The following SLC9A9 variants were observed in gnomAD, a reference collection of about 807,000 sequenced individuals.
SLC9A9 encodes solute carrier family 9 member A9.
Under a neutral mutation model 77.8 loss-of-function variants are expected in SLC9A9, and 62 were observed. The observed-to-expected ratio is 0.80, with a 90% CI of 0.65 to 0.98. The LOEUF is 0.98. Among genes scored for constraint, SLC9A9 ranks in the 50% least tolerant of loss-of-function variants. The pLI is 0.00. For missense variants in SLC9A9, 775 were observed against 774.9 expected (o/e 1.00, Z 0.00); for synonymous variants, 320 against 283.5 (o/e 1.13, Z -1.29).
At chr3:143,745,367 T>G (rs1364335797) in intron 4 of SLC9A9, among the ~76,000 whole-genome samples, 1 of 152,258 alleles carries the variant, frequency 6.6e-6, no homozygotes, top group African/African-American at 2.4e-5. Context: ...TTTGAATAAC[T>G]AGTTTAAATT....
intron 12 of SLC9A9, among the ~76,000 whole-genome samples, chr3:143,382,626 A>T (rs970192807): frequency 9.2e-5 from 14 of 152,216 alleles, no homozygotes; most frequent in African/African-American, 3.4e-4. Context: ...TCTTTAAGGA[A>T]AATAATACAA....
chr3:143,792,122 G>A (rs71307954), intron 4 of SLC9A9, among the ~76,000 whole-genome samples: 32,258 of 152,048 alleles, frequency 0.21, 3,663 homozygotes, highest in Middle Eastern at 0.33. Flanking sequence ...CTACTTAATA[G>A]GATTATTTTG....
intron 12 of SLC9A9, among the ~76,000 whole-genome samples, chr3:143,418,853 G>A (rs916377072): frequency 6.6e-6 from 1 of 152,168 alleles, no homozygotes. Flanking sequence ...AAGGCATGGA[G>A]TTGCTTTCTG....
chr3:143,549,830 T>C (rs1282868524), intron 9 of SLC9A9, among the ~76,000 whole-genome samples: 1 of 139,510 alleles, frequency 7.2e-6, no homozygotes, highest in Non-Finnish European at 1.6e-5. Flanking sequence ...AATACAAATA[T>C]GCTCAGAGAA....
chr3:143,628,821 C>A (rs2038373244), intron 6 of SLC9A9, among the ~76,000 whole-genome samples: 1 of 151,966 alleles, frequency 6.6e-6, no homozygotes, highest in South Asian at 2.1e-4. Flanking sequence ...GTGAATCAGG[C>A]CCAAGGAATG....
At chr3:143,354,683 T>C (rs538728913) in intron 14 of SLC9A9, among the ~76,000 whole-genome samples, 1 of 152,358 alleles carries the variant, frequency 6.6e-6, no homozygotes, top group East Asian at 1.9e-4. Context: ...TCTTTTTTCA[T>C]GGGAAACAAA....
chr3:143,832,127 T>C lies in SLC9A9; in HGVS notation c.270A>G (p.Pro90=). 1 of 1,613,336 alleles carries C rather than the reference T, an allele frequency of 6.2e-7. No homozygotes were observed. Among genetic ancestry groups the C allele is most frequent in the Non-Finnish European group, 8.5e-7 (1 of 1,179,620 alleles). ...VYDCVKLTFS[P]STLLVNITDQ... is the part of the protein sequence containing the mutation. ...CAGTGATATTAACCAGCAGAGTTGA[T>C]GGACTGAAAGTTAGTTTTACACAGT... Residue 90 remains proline, a synonymous_variant, in exon 2 of 16, where the codon CCA becomes CCG. Transcript: ENST00000316549.
intron 6 of SLC9A9, among the ~76,000 whole-genome samples, chr3:143,642,895 C>A (rs920016997): frequency 1.3e-5 from 2 of 152,018 alleles, no homozygotes; most frequent in Non-Finnish European, 2.9e-5. Context: ...TTATACCATT[C>A]TTTTCTAATT....
chr3:143,595,898 G>T (rs2037743542), intron 6 of SLC9A9, among the ~76,000 whole-genome samples: 1 of 152,102 alleles, frequency 6.6e-6, no homozygotes, highest in Non-Finnish European at 1.5e-5. Flanking sequence ...ACTCCTTGTT[G>T]TACAATAGAT....
chr3:143,351,859 C>T (rs1179672079), intron 14 of SLC9A9, among the ~76,000 whole-genome samples: 1 of 151,928 alleles, frequency 6.6e-6, no homozygotes, highest in East Asian at 1.9e-4. Flanking sequence ...AGTGCCTGTA[C>T]AATTACCAAT....
chr3:143,315,180 A>T (rs2031163224), intron 14 of SLC9A9, among the ~76,000 whole-genome samples: 1 of 152,234 alleles, frequency 6.6e-6, no homozygotes, highest in Admixed American at 6.5e-5. Flanking sequence ...ATAAATTTAA[A>T]GTACCTCAGC....
At chr3:143,288,871 T>C (rs1938455095) in intron 14 of SLC9A9, among the ~76,000 whole-genome samples, 1 of 152,160 alleles carries the variant, frequency 6.6e-6, no homozygotes, top group African/African-American at 2.4e-5. Flanking sequence ...CCAAGGACTA[T>C]CAAAGCAAGT....
intron 1 of SLC9A9, among the ~76,000 whole-genome samples, chr3:143,841,754 C>CTTTTCTTTTTTTTTTTT (rs55981223): frequency 1.3e-5 from 2 of 149,302 alleles, no homozygotes; most frequent in Non-Finnish European, 3.0e-5. Context: ...TATAGAGGCT[C>CTTTTCTTTTTTTTTTTT]TTTTCTTTAT....
At chr3:143,491,528 CTTTAGAATA>C (rs2035745928) in intron 11 of SLC9A9, among the ~76,000 whole-genome samples, 1 of 152,080 alleles carries the variant, frequency 6.6e-6, no homozygotes. Context: ...TGACTCCTGG[CTTTAGAATA>C]TCATAGAAAT....
At position 143,391,267 on chromosome 3, in the gene SLC9A9, A is replaced by T. The variant is rs376146894; in HGVS notation, c.1470-9153T>A. On this transcript the variant is annotated intron_variant, in intron 12 of 15. Transcript: ENST00000316549. The stretch of plus-strand genomic sequence containing the variant: ...CTGAGATGAAGCTTCCAGAGGAACG[A>T]TCAGGCAGCAACATTTGCTGTTCAG... Among the ~76,000 whole-genome samples the T allele has an allele frequency of 1.1e-4, 16 of 152,332 alleles. No homozygotes were observed. In the East Asian group the frequency reaches 1.9e-3, roughly 18 times the overall value.
chr3:143,828,008 T>C lies in SLC9A9; in HGVS notation c.378+4011A>G, dbSNP rs1992865. On this transcript the variant is annotated intron_variant, in intron 2 of 15. Transcript: ENST00000316549. ...CTTAGCCCCAGGTGCCCTGCCCTTC[T>C]CTGTCCATGTGGCCTCTCAGAGAGC... 3.1e-3 allele frequency among the ~76,000 whole-genome samples: 474 copies of C among 152,274 alleles called. 4 individuals carry two copies. Among genetic ancestry groups the C allele is most frequent in the African/African-American group, 0.011 (456 of 41,550 alleles).
At chr3:143,811,427 C>G (rs2108872070) in intron 2 of SLC9A9, among the ~76,000 whole-genome samples, 1 of 152,308 alleles carries the variant, frequency 6.6e-6, no homozygotes, top group African/African-American at 2.4e-5. Flanking sequence ...CTTAACCTCT[C>G]TGAGCCTCAG....
intron 6 of SLC9A9, among the ~76,000 whole-genome samples, chr3:143,630,052 T>A (rs2038395034): frequency 6.6e-6 from 1 of 151,984 alleles, no homozygotes. Flanking sequence ...AACAAAAACA[T>A]GTATTTTTTG....
rs777287365 is a variant in SLC9A9, at chr3:143,438,071, A to G, written c.1469+28966T>C. Among the ~76,000 whole-genome samples, 100 of 152,260 alleles carry G rather than the reference A, an allele frequency of 6.6e-4. 1 individual carries two copies. The highest frequency in any genetic ancestry group is 1.5e-4 in the Non-Finnish European group (10 of 68,052). ...CAAGCATAATGCAGATGCAGAAAGG[A>G]AAGGCCAGGCTGGGACAAAACATTT... On this transcript the variant is annotated intron_variant, in intron 12 of 15. Coordinates refer to ENST00000316549, the MANE Select transcript of SLC9A9 (RefSeq NM_173653.4).
Sources: allele counts gnomAD v4.1 joint callset (sites outside exome capture counted in the v4.1 genomes callset), GRCh38; gene constraint gnomAD v4.1.1; transcripts MANE v1.5; gene names NCBI Gene and HGNC (gene_info 2026-07-23, HGNC 2026-07-21).